The following SYNE1 variants were observed in gnomAD, a reference collection of about 807,000 sequenced individuals.
SYNE1 encodes the protein spectrin repeat containing nuclear envelope protein 1, also known as nesprin-1.
A neutral mutation model predicts 1,111.0 loss-of-function variants in SYNE1; 616 were observed. The ratio of observed to expected loss-of-function variants is 0.55; its 90% CI spans 0.52 to 0.59. SYNE1 has a LOEUF of 0.59. Among genes scored for constraint, SYNE1 ranks in the 20% least tolerant of loss-of-function variants. The probability of loss-of-function intolerance (pLI) is 0.00; values close to 1 mark genes in which losing one functional copy is unlikely to be tolerated. For missense variants in SYNE1, 10,006 were observed against 10,417.0 expected, an observed-to-expected ratio of 0.96 and a Z score of 1.72; for synonymous variants, 3,855 against 3,825.8, an observed-to-expected ratio of 1.01 and a Z score of -0.28.
At chr6:152,207,395 G>C (rs564532979) in intron 125 of SYNE1, among the ~76,000 whole-genome samples, 20 of 152,108 alleles carry the variant, frequency 1.3e-4, no homozygotes, top group African/African-American at 4.8e-4. Context: ...TGCTGGCAGG[G>C]GGCAGTTGAA....
intron 127 of SYNE1, among the ~76,000 whole-genome samples, chr6:152,191,912 C>T (rs2072528671): frequency 6.6e-6 from 1 of 152,052 alleles, no homozygotes; most frequent in Non-Finnish European, 1.5e-5. Context: ...GTACTGCTTT[C>T]ACTGTATTAC....
At chr6:152,618,929 C>T (rs1314150868) in intron 3 of SYNE1, among the ~76,000 whole-genome samples, 1 of 152,048 alleles carries the variant, frequency 6.6e-6, no homozygotes, top group Non-Finnish European at 1.5e-5. Flanking sequence ...AAATAAATTA[C>T]TACTTATGAT....
At chr6:152,386,451 GAA>G (rs1232094048) in intron 54 of SYNE1, among the ~76,000 whole-genome samples, 1 of 151,998 alleles carries the variant, frequency 6.6e-6, no homozygotes, top group African/African-American at 2.4e-5. Context: ...ATGTCAAGAA[GAA>G]AAGAGTCAGT....
At chr6:152,268,974 A>C (rs528645559) in intron 99 of SYNE1, among the ~76,000 whole-genome samples, 181 bp downstream of exon 99, 19 of 152,322 alleles carry the variant, frequency 1.2e-4, no homozygotes, top group Admixed American at 3.3e-4. Context: ...TCAAATGACC[A>C]ATCATCCCAG....
intron 108 of SYNE1, among the ~76,000 whole-genome samples, chr6:152,238,375 G>A (rs1256802902): frequency 6.6e-6 from 1 of 152,158 alleles, no homozygotes; most frequent in African/African-American, 2.4e-5. Context: ...ATCTCAAAGG[G>A]TTATGATAAA....
chr6:152,628,095 T>A (rs9371620), intron 3 of SYNE1, among the ~76,000 whole-genome samples, 170 bp downstream of exon 3: 3 of 149,068 alleles, frequency 2.0e-5, no homozygotes, highest in Admixed American at 6.7e-5. Context: ...ATGTAATGAA[T>A]ACAGCATCTG....
At chr6:152,283,597 T>C (rs1233332573) in intron 96 of SYNE1, among the ~76,000 whole-genome samples, 1 of 152,150 alleles carries the variant, frequency 6.6e-6, no homozygotes, top group Non-Finnish European at 1.5e-5. Flanking sequence ...AGTGCAGTGG[T>C]GCAATCTTGG....
chr6:152,544,175 A>G (rs955506903), intron 3 of SYNE1, among the ~76,000 whole-genome samples: 3 of 152,216 alleles, frequency 2.0e-5, no homozygotes, highest in African/African-American at 4.8e-5. Flanking sequence ...CAGCAGCGTC[A>G]GGGTAGAGGA....
chr6:152,410,486 A>T (rs169975), intron 42 of SYNE1: 1 of 151,786 alleles, frequency 6.6e-6, no homozygotes, highest in South Asian at 2.1e-4. Flanking sequence ...TAATCCTAGC[A>T]CTTTGCGAGT....
Position 152,179,673 on chromosome 6 carries a change from C to CTTTTTTTTTTTTTTTTTTTTT in SYNE1, c.23460+442_23460+462dup, listed in dbSNP as rs796260764. Among the ~76,000 whole-genome samples the CTTTTTTTTTTTTTTTTTTTTT allele has an allele frequency of 2.0e-4, 11 of 55,104 alleles. 2 individuals are homozygous for CTTTTTTTTTTTTTTTTTTTTT. The highest frequency in any genetic ancestry group is 3.1e-4 in the African/African-American group (4 of 12,812). 36.2% of individuals were successfully genotyped at this position (55,104 alleles called of 152,430 possible). A position where few individuals can be genotyped will look rare whatever the true frequency, so the allele number is the denominator to read the frequency against. The stretch of plus-strand genomic sequence containing the variant: ...GCAAGTTTATTTTATGCTGGATATC[C>CTTTTTTTTTTTTTTTTTTTTT]TTTTTTTTTTTTTTTTTTTTTTTTT... On this transcript the variant is annotated intron_variant, in intron 129 of 145. Transcript: ENST00000367255.
At chr6:152,201,473 CT>C (rs199617709) in intron 127 of SYNE1, among the ~76,000 whole-genome samples, 1,691 of 140,268 alleles carry the variant, frequency 0.012, 19 homozygotes, top group African/African-American at 0.036. Flanking sequence ...GCTGTTGATC[CT>C]TTTTTTTTTT....
At chr6:152,371,396 T>C (rs1194759779) in intron 59 of SYNE1, among the ~76,000 whole-genome samples, 1 of 151,594 alleles carries the variant, frequency 6.6e-6, no homozygotes, top group Admixed American at 6.6e-5. Context: ...CCTTCTGCCA[T>C]GATTGTAAAT....
rs948327850 is a variant in SYNE1 at position 152,577,581 on chromosome 6, C to T, written c.68-37560G>A. ...CCGGGAGGCGGAGCTTGCAGTGAGC[C>T]GAGATGGTGCCACTGCACTCCAGCC... is the stretch of plus-strand genomic sequence containing the variant. On this transcript the variant is annotated intron_variant, in intron 3 of 145. Transcript: ENST00000367255. Among the ~76,000 whole-genome samples the T allele has an allele frequency of 3.3e-5, 5 of 151,910 alleles. No homozygotes were observed. The South Asian group carries it at 8.3e-4, about 25-fold the overall frequency.
At position 152,201,945 on chromosome 6, in the gene SYNE1, C is replaced by T. The variant is rs1587695656; in HGVS notation, c.23024G>A (p.Trp7675Ter). ...KKKLAFLLKD[W>*]EKCEKGIADS... ...TGCTATTCCTTTCTCACATTTTTCC[C>T]AGTCCTATCATGGGAATAAAAACAA... Residue 7675 changes from tryptophan to a stop codon, truncating the protein, a stop_gained, in exon 127 of 146, where the codon TGG (tryptophan) becomes TAG (stop). Transcript: ENST00000367255. LOFTEE classifies it high-confidence loss of function. 1 of 1,613,884 alleles carries T rather than the reference C, an allele frequency of 6.2e-7. No individual in the cohort carries two copies.
intron 3 of SYNE1, among the ~76,000 whole-genome samples, chr6:152,603,139 G>C (rs906798443): frequency 5.9e-5 from 9 of 152,076 alleles, no homozygotes; most frequent in African/African-American, 1.9e-4. Context: ...GCTTCTTGGG[G>C]CCCATTTCTT....
At chr6:152,558,643 A>G (rs936542412) in intron 3 of SYNE1, among the ~76,000 whole-genome samples, 2 of 152,200 alleles carry the variant, frequency 1.3e-5, no homozygotes, top group African/African-American at 4.8e-5. Context: ...AAGAGCACAT[A>G]ATAATGTAAG....
At chr6:152,221,931 C>T (rs2080274979) in intron 117 of SYNE1, among the ~76,000 whole-genome samples, 1 of 152,150 alleles carries the variant, frequency 6.6e-6, no homozygotes, top group African/African-American at 2.4e-5. Context: ...GCCTCACCTC[C>T]TTGTACTTTC....
chr6:152,481,578 G>A, intron 14 of SYNE1: 1 of 451,820 alleles, frequency 2.2e-6, no homozygotes, highest in South Asian at 1.6e-5. Context: ...ATAAACAAAT[G>A]CCAGTTAAGG....
Position 152,483,247 on chromosome 6 carries a change from G to C in SYNE1, c.1188C>G (p.Leu396=), listed in dbSNP as rs1252508397. 6.2e-7 allele frequency: 1 copy of C among 1,614,020 alleles called. No individual in the cohort carries two copies. Among genetic ancestry groups the C allele is most frequent in the Admixed American group, 1.7e-5 (1 of 59,984 alleles). ...TATCAAGCTGTATATGCCAGTCAAAGAGCTAAAATTTAAAAAGCAGAAAAG... is the reference window on the plus strand; with the variant it reads ...TATCAAGCTGTATATGCCAGTCAAACAGCTAAAATTTAAAAAGCAGAAAAG... ...KQSWDRVTSR[L]FDWHIQLDKS... The change falls in exon 14 of 146, where the codon CTC becomes CTG. Residue 396 remains leucine, a splice_region_variant and synonymous_variant. Coordinates refer to ENST00000367255, the MANE Select transcript of SYNE1 (RefSeq NM_182961.4).
Sources: gnomAD v4.1 joint callset for allele counts (sites outside exome capture counted in the v4.1 genomes callset) on GRCh38, gnomAD v4.1.1 for gene constraint, MANE v1.5 for transcripts, NCBI Gene and HGNC (gene_info 2026-07-23, HGNC 2026-07-21) for gene names.